BCL9L: variants seen among roughly 807,000 people sequenced by gnomAD.
The protein encoded by BCL9L is B-cell CLL/lymphoma 9-like protein.
In BCL9L, 19 loss-of-function variants were observed where a neutral mutation model predicts 99.4. That is an observed-to-expected ratio of 0.19 (90% CI 0.13 to 0.28). BCL9L has a LOEUF of 0.28. BCL9L is among the 10% of genes least tolerant of loss of function. BCL9L has a pLI of 1.00. For synonymous variants in BCL9L, 900 were observed against 854.8 expected (o/e 1.05, Z -0.92); for missense variants, 2,023 against 2,101.6 (o/e 0.96, Z 0.73).
chr11:118,902,403 G>GGGGC lies in BCL9L; in HGVS notation c.1339_1340insGCCC (p.Ala447GlyfsTer21). On this transcript the variant is annotated frameshift_variant, in exon 8 of 10. Coordinates refer to ENST00000683865, the MANE Select transcript of BCL9L (RefSeq NM_001378213.1). LOFTEE classifies it high-confidence loss of function. This position sits in a 1 kb window ranked among gnomAD's most constrained non-coding sequence, Gnocchi z 7.8. ...GGGTGGCTGCTGGGGGGGAGGGGGGGCTTGTGCTGGTGGGCCCCCCTCACC... is the reference window on the plus strand; with the variant it reads ...GGGTGGCTGCTGGGGGGGAGGGGGGGGGGCCTTGTGCTGGTGGGCCCCCCTCACC... The GGGGC allele has an allele frequency of 7.6e-7, 1 of 1,307,570 alleles. No individual in the cohort carries two copies. The highest frequency in any genetic ancestry group is 1.1e-6 in the Non-Finnish European group (1 of 926,320). The allele number at this position is 1,307,570 out of a possible 1,614,324, so 81.0% of individuals were successfully genotyped here.
At position 118,901,766 on chromosome 11, in the gene BCL9L, G is replaced by A; in HGVS notation, c.1977C>T (p.Tyr659=). 6.2e-7 allele frequency: 1 copy of A among 1,612,306 alleles called. No homozygotes were observed. The highest frequency in any genetic ancestry group is 1.1e-5 in the South Asian group (1 of 91,028). The change falls in exon 8 of 10, where the codon TAC becomes TAT. Residue 659 remains tyrosine (Y), a synonymous_variant. Coordinates refer to ENST00000683865, the MANE Select transcript of BCL9L (RefSeq NM_001378213.1). The surrounding 1 kb of genome is among the most constrained non-coding windows in gnomAD (Gnocchi z 6.6). ...PSNFAQNTMP[Y]PGGQGEAERF... The stretch of plus-strand genomic sequence containing the variant: ...GCTCCGCCTCACCCTGCCCACCTGG[G>A]TAGGGCATGGTGTTCTGGGCAAAAT...
Position 118,901,896 on chromosome 11 carries a change from C to G in BCL9L, c.1847G>C (p.Gly616Ala). ...CACCTCCATGGGCATACTCTGCATG[C>G]CCCCAAACCCAGGTACCCGTTGTAT... ...NQIQRVPGFG[G>A]MQSMPMEVPM... The change falls in exon 8 of 10, where the codon GGC (glycine) becomes GCC (alanine). Residue 616 changes from glycine to alanine, a missense_variant. Transcript: ENST00000683865. This position sits in a 1 kb window ranked among gnomAD's most constrained non-coding sequence, Gnocchi z 6.6. 2 of 1,613,794 alleles carry G rather than the reference C, an allele frequency of 1.2e-6. No homozygotes were observed. Among genetic ancestry groups the G allele is most frequent in the Middle Eastern group, 1.6e-4 (1 of 6,062 alleles).
At position 118,900,271 on chromosome 11, in the gene BCL9L, G is replaced by C; in HGVS notation, c.3125-73C>G. ...AGATGAGTTTGGCTGTGGATATGGGGAGGTTTAGGAAGCGGTCAGTTCCCC... is the reference window on the plus strand; with the variant it reads ...AGATGAGTTTGGCTGTGGATATGGGCAGGTTTAGGAAGCGGTCAGTTCCCC... On this transcript the variant is annotated intron_variant, in intron 8 of 9. Coordinates refer to ENST00000683865, the MANE Select transcript of BCL9L (RefSeq NM_001378213.1). The surrounding 1 kb of genome is among the most constrained non-coding windows in gnomAD (Gnocchi z 5.3). The C allele has an allele frequency of 1.4e-6, 2 of 1,442,356 alleles. No homozygotes were observed. The highest frequency in any genetic ancestry group is 2.7e-5 in the South Asian group (2 of 73,096). 89.3% of individuals were successfully genotyped at this position (1,442,356 alleles called of 1,614,324 possible). A position where few individuals can be genotyped will look rare whatever the true frequency, so the allele number is the denominator to read the frequency against.
At position 118,898,135 on chromosome 11, in the gene BCL9L, A is replaced by G; in HGVS notation, c.*280T>C. On this transcript the variant is annotated 3_prime_UTR_variant, in exon 10 of 10. Coordinates refer to ENST00000683865, the MANE Select transcript of BCL9L (RefSeq NM_001378213.1). ...GGTGCAGGGATGCACGGAAAGAGGTAAAATAGAGAGGCTCCATAGGAATTG... is the reference window on the plus strand; with the variant it reads ...GGTGCAGGGATGCACGGAAAGAGGTGAAATAGAGAGGCTCCATAGGAATTG... 5 of 564,416 alleles carry G rather than the reference A, an allele frequency of 8.9e-6. No individual in the cohort carries two copies. The highest frequency in any genetic ancestry group is 6.1e-5 in the South Asian group (3 of 48,810). The allele number at this position is 564,416 out of a possible 1,614,324, so 35.0% of individuals were successfully genotyped here.
At chr11:118,919,584 G>C (rs758687849) in intron 1 of BCL9L, among the ~76,000 whole-genome samples, 1 of 151,968 alleles carries the variant, frequency 6.6e-6, no homozygotes, top group African/African-American at 2.4e-5. Context: ...GAAGAATTCT[G>C]GGAGAGACGC....
At chr11:118,910,110 G>A (rs1940716670) in intron 2 of BCL9L, 95 bp from the exon 3 acceptor site, 2 of 853,028 alleles carry the variant, frequency 2.3e-6, no homozygotes, top group African/African-American at 1.7e-5. Flanking sequence ...CCTGGGACTA[G>A]GGAGCTGGAT....
rs531414289 is a variant in BCL9L, at chr11:118,901,167, A to G, written c.2576T>C (p.Met859Thr). The G allele has an allele frequency of 6.2e-7, 1 of 1,614,030 alleles. No individual in the cohort carries two copies. Among genetic ancestry groups the G allele is most frequent in the Admixed American group, 1.7e-5 (1 of 60,026 alleles). The change falls in exon 8 of 10, where the codon ATG becomes ACG. Residue 859 changes from methionine to threonine, a missense_variant. Met to Thr is a moderately conservative substitution (Grantham distance 81). Transcript: ENST00000683865. The surrounding 1 kb of genome is among the most constrained non-coding windows in gnomAD (Gnocchi z 6.6). ...FSGGQGPYQA[M>T]SQDMGNTQDM... is the part of the protein sequence containing the mutation. Reference sequence around the variant, plus strand: ...TTGGGTATTGCCCATGTCCTGGGACATGGCTTGGTAGGGTCCCTGGCCTCC... The same window carrying G: ...TTGGGTATTGCCCATGTCCTGGGACGTGGCTTGGTAGGGTCCCTGGCCTCC...
At chr11:118,911,038 A>C (rs1390771902) in intron 2 of BCL9L, 1 of 340,460 alleles carries the variant, frequency 2.9e-6, no homozygotes, top group Non-Finnish European at 5.9e-6. Flanking sequence ...CATTGAACAG[A>C]TGAAAAGACT....
In BCL9L at chr11:118,908,620, C is replaced by A. The variant is rs757215402; in HGVS notation, c.62G>T (p.Ser21Ile). The stretch of plus-strand genomic sequence containing the variant: ...ATGACCGCGGGGGGACAGCGGCGGG[C>A]TCCCTGGAGCTTCTCTCCTCCTGGG... ...PHPRRREAPG[S>I]PPLSPRGHCP... Residue 21 changes from serine (S) to isoleucine (I), a missense_variant, in exon 4 of 10, where the codon AGC becomes ATC. Coordinates refer to ENST00000683865, the MANE Select transcript of BCL9L (RefSeq NM_001378213.1). 20 of 1,612,010 alleles carry A rather than the reference C, an allele frequency of 1.2e-5. No homozygotes were observed. The highest frequency in any genetic ancestry group is 1.7e-5 in the Non-Finnish European group (20 of 1,179,526).
intron 2 of BCL9L, among the ~76,000 whole-genome samples, chr11:118,915,062 G>C (rs1457925885): frequency 6.6e-6 from 1 of 152,086 alleles, no homozygotes; most frequent in East Asian, 1.9e-4. Context: ...TTGAACCCAG[G>C]AGGCGGAGGT....
In BCL9L at chr11:118,900,041, G is replaced by A. The variant is rs778519183; in HGVS notation, c.3282C>T (p.Tyr1094=). 8.4e-5 allele frequency: 136 copies of A among 1,613,818 alleles called. No individual in the cohort carries two copies. The highest frequency in any genetic ancestry group is 1.1e-4 in the Non-Finnish European group (129 of 1,179,966). ...AGAGCGGGGTGGAGCTGGGCATGGCGTACTTGGACATCTGGGTCATCATCA... is the reference window on the plus strand; with the variant it reads ...AGAGCGGGGTGGAGCTGGGCATGGCATACTTGGACATCTGGGTCATCATCA... ...LSLMMTQMSK[Y]AMPSSTPLYH... is the part of the protein sequence containing the mutation. The change falls in exon 9 of 10, where the codon TAC becomes TAT. Residue 1094 remains tyrosine (Y), a synonymous_variant. Transcript: ENST00000683865. The surrounding 1 kb of genome is among the most constrained non-coding windows in gnomAD (Gnocchi z 5.3).
At position 118,907,578 on chromosome 11, in the gene BCL9L, C is replaced by T. The variant is rs1409390227; in HGVS notation, c.437G>A (p.Arg146His). The stretch of plus-strand genomic sequence containing the variant: ...CGGCTGCTTCCGCTCCAGCACACAG[C>T]GCCGCTTACTCCGCGGCGCCACCTC... ...AKEVAPRSKR[R>H]CVLERKQPYS... The change falls in exon 5 of 10, where the codon CGC (arginine) becomes CAC (histidine). Residue 146 changes from arginine to histidine, a missense_variant. This residue lies in a region of BCL9L where 1,116 missense variants were observed against 1,194.6 expected (regional missense o/e 0.93). Coordinates refer to ENST00000683865, the MANE Select transcript of BCL9L (RefSeq NM_001378213.1). 6.2e-7 allele frequency: 1 copy of T among 1,613,784 alleles called. No homozygotes were observed. The highest frequency in any genetic ancestry group is 8.5e-7 in the Non-Finnish European group (1 of 1,180,020).
rs1378142956 is a variant in BCL9L at position 118,898,155 on chromosome 11, G to A, written c.*260C>T. The A allele has an allele frequency of 5.1e-6, 3 of 585,512 alleles. No homozygotes were observed. Among genetic ancestry groups the A allele is most frequent in the Non-Finnish European group, 9.1e-6 (3 of 329,364 alleles). 36.3% of individuals were successfully genotyped at this position (585,512 alleles called of 1,614,324 possible). On this transcript the variant is annotated 3_prime_UTR_variant, in exon 10 of 10. Coordinates refer to ENST00000683865, the MANE Select transcript of BCL9L (RefSeq NM_001378213.1). ...GAGGTAAAATAGAGAGGCTCCATAG[G>A]AATTGGGAGGAGTGGGGGAGGGGCA...
chr11:118,918,451 G>A (rs1428303047), intron 2 of BCL9L, among the ~76,000 whole-genome samples: 3 of 151,312 alleles, frequency 2.0e-5, no homozygotes, highest in African/African-American at 7.3e-5. Flanking sequence ...CCAGGAAGTT[G>A]TACCTTGCCC....
rs1483973308 is a variant in BCL9L, at chr11:118,900,842, G to A, written c.2901C>T (p.Ala967=). The change falls in exon 8 of 10, where the codon GCC becomes GCT. Residue 967 remains alanine, a synonymous_variant. Transcript: ENST00000683865. This position sits in a 1 kb window ranked among gnomAD's most constrained non-coding sequence, Gnocchi z 5.3. The part of the protein sequence containing the change: ...TPSQMVPLPS[A]NPPGPLKSPQ... Reference sequence around the variant, plus strand: ...GCGACTTGAGAGGTCCTGGCGGGTTGGCAGAAGGCAAGGGCACCATCTGTG... The same window carrying A: ...GCGACTTGAGAGGTCCTGGCGGGTTAGCAGAAGGCAAGGGCACCATCTGTG... The A allele has an allele frequency of 1.2e-6, 2 of 1,613,072 alleles. No individual in the cohort carries two copies. The highest frequency in any genetic ancestry group is 1.7e-6 in the Non-Finnish European group (2 of 1,179,298).
chr11:118,898,458 C>A lies in BCL9L; in HGVS notation c.4457G>T (p.Gly1486Val). 6.2e-7 allele frequency: 1 copy of A among 1,606,764 alleles called. No individual in the cohort carries two copies. Among genetic ancestry groups the A allele is most frequent in the Non-Finnish European group, 8.5e-7 (1 of 1,174,850 alleles). ...CATGCCGCCTGGTGCCGGGAGGTAG[C>A]CCATCTGGCTGTCCAGGGACACACT... ...QRSVSLDSQM[G>V]YLPAPGGMAN... The change falls in exon 10 of 10, where the codon GGC (glycine) becomes GTC (valine). Residue 1486 changes from glycine (G) to valine (V), a missense_variant. This residue lies in a region of BCL9L where 902 missense variants were observed against 888.2 expected (regional missense o/e 1.02). Transcript: ENST00000683865.
chr11:118,898,503 G>A lies in BCL9L; in HGVS notation c.4412C>T (p.Ser1471Phe). ...CACACTGCGCTGCCGAAGGGGGTGG[G>A]ACACCATGAGGTTCTGCTGGGGCGG... ...GPPPQQNLMV[S>F]HPLRQRSVSL... Residue 1471 changes from serine (S) to phenylalanine (F), a missense_variant, in exon 10 of 10, where the codon TCC (serine) becomes TTC (phenylalanine). Physicochemically the swap from Ser to Phe is radical, Grantham distance 155 (BLOSUM62 -2). Around this residue, in one of 3 missense-constraint regions of BCL9L, gnomAD observed 902 missense variants for 888.2 expected, o/e 1.02. Coordinates refer to ENST00000683865, the MANE Select transcript of BCL9L (RefSeq NM_001378213.1). 6.2e-7 allele frequency: 1 copy of A among 1,602,576 alleles called. No homozygotes were observed. Among genetic ancestry groups the A allele is most frequent in the Non-Finnish European group, 8.5e-7 (1 of 1,171,852 alleles).
At position 118,900,189 on chromosome 11, in the gene BCL9L, G is replaced by A. The variant is rs1316558261; in HGVS notation, c.3134C>T (p.Pro1045Leu). Residue 1045 changes from proline to leucine, a missense_variant, in exon 9 of 10, where the codon CCG (proline) becomes CTG (leucine). By Grantham distance (98) the Pro-to-Leu change is moderately conservative (BLOSUM62 -3). Transcript: ENST00000683865. The surrounding 1 kb of genome is among the most constrained non-coding windows in gnomAD (Gnocchi z 5.3). ...GGAGCTGCTCCGGGGGCCGCTAGGC[G>A]GGAGGGTACCTACAGAAACGGGGAG... ...TLSNMEQGTL[P>L]PSGPRSSSSA... 6.9e-6 allele frequency: 11 copies of A among 1,598,718 alleles called. No individual in the cohort carries two copies. The highest frequency in any genetic ancestry group is 6.7e-5 in the East Asian group (3 of 44,662).
chr11:118,912,424 G>A (rs543156322), intron 2 of BCL9L, among the ~76,000 whole-genome samples: 109 of 152,286 alleles, frequency 7.2e-4, no homozygotes, highest in Non-Finnish European at 1.2e-3. Context: ...CGCATACCAG[G>A]AGAATGAATC....
Sources: allele counts gnomAD v4.1 joint callset (sites outside exome capture counted in the v4.1 genomes callset), GRCh38; gene constraint gnomAD v4.1.1; regional missense constraint gnomAD v4.1.1; non-coding constraint Gnocchi (gnomAD v3.1); transcripts MANE v1.5; gene names NCBI Gene and HGNC (gene_info 2026-07-23, HGNC 2026-07-21).